EPHA6: variants seen among roughly 807,000 people sequenced by gnomAD.
EPHA6 encodes the protein ephrin type-A receptor 6.
In EPHA6, 50 loss-of-function variants were observed where a neutral mutation model predicts 112.0. That is an observed-to-expected ratio of 0.45 (90% CI 0.36 to 0.56). EPHA6 has a LOEUF of 0.56. EPHA6 is among the 20% of genes least tolerant of loss of function. The pLI, the probability that EPHA6 is intolerant of heterozygous loss-of-function variation, is 0.00. For missense variants in EPHA6, 1,280 were observed against 1,417.4 expected, an observed-to-expected ratio of 0.90 and a Z score of 1.56; for synonymous variants, 529 against 490.7, an observed-to-expected ratio of 1.08 and a Z score of -1.03.
At chr3:97,319,887 G>T (rs185776173) in intron 5 of EPHA6, among the ~76,000 whole-genome samples, 1 of 151,944 alleles carries the variant, frequency 6.6e-6, no homozygotes, top group Non-Finnish European at 1.5e-5. Context: ...TACTAGTTAT[G>T]TCATAACTGT....
At chr3:97,672,183 A>G (rs1172636419) in intron 14 of EPHA6, among the ~76,000 whole-genome samples, 2 of 152,152 alleles carry the variant, frequency 1.3e-5, no homozygotes, top group Non-Finnish European at 2.9e-5. Context: ...TTCAATTCCA[A>G]TTTCAAGATC....
At chr3:97,438,980 A>G (rs1199368999) in intron 6 of EPHA6, among the ~76,000 whole-genome samples, 1 of 152,198 alleles carries the variant, frequency 6.6e-6, no homozygotes, top group East Asian at 1.9e-4. Flanking sequence ...AACAGTAAAT[A>G]TCACTATTAA....
chr3:96,887,979 G>C (rs2037731491), intron 2 of EPHA6, among the ~76,000 whole-genome samples: 1 of 152,124 alleles, frequency 6.6e-6, no homozygotes, highest in African/African-American at 2.4e-5. Flanking sequence ...TCTAGGTGGA[G>C]AGTGATGTGG....
chr3:97,371,800 T>A (rs2108983480), intron 5 of EPHA6, among the ~76,000 whole-genome samples: 1 of 152,252 alleles, frequency 6.6e-6, no homozygotes. Context: ...AATGCATGCC[T>A]AGGGGTAGGC....
At chr3:97,645,169 A>C (rs2094047554) in intron 14 of EPHA6, among the ~76,000 whole-genome samples, 1 of 151,894 alleles carries the variant, frequency 6.6e-6, no homozygotes, top group Admixed American at 6.6e-5. Flanking sequence ...TACTAGGTAT[A>C]TACCCAAAGG....
intron 5 of EPHA6, among the ~76,000 whole-genome samples, chr3:97,263,403 A>G (rs1238060081): frequency 6.6e-6 from 1 of 151,140 alleles, no homozygotes; most frequent in Non-Finnish European, 1.5e-5. Flanking sequence ...ATTTTCATGA[A>G]TTTTTTTACA....
At chr3:97,112,011 G>T (rs1242196295) in intron 3 of EPHA6, among the ~76,000 whole-genome samples, 1 of 151,902 alleles carries the variant, frequency 6.6e-6, no homozygotes, top group African/African-American at 2.4e-5. Flanking sequence ...TAAGACATTT[G>T]CCCATCTCCA....
chr3:97,039,919 C>A (rs77945179), intron 3 of EPHA6, among the ~76,000 whole-genome samples: 1 of 151,888 alleles, frequency 6.6e-6, no homozygotes, highest in African/African-American at 2.4e-5. Flanking sequence ...GTGCAGAAGA[C>A]AATGAAGAAG....
chr3:97,723,713 A>T (rs1403774880), intron 15 of EPHA6, among the ~76,000 whole-genome samples: 4 of 152,182 alleles, frequency 2.6e-5, no homozygotes, highest in African/African-American at 9.7e-5. Context: ...GGTGAAAAAA[A>T]ACCCAAACCT....
intron 7 of EPHA6, among the ~76,000 whole-genome samples, chr3:97,465,870 A>C (rs1482178387): frequency 6.6e-6 from 1 of 152,044 alleles, no homozygotes; most frequent in Non-Finnish European, 1.5e-5. Context: ...TTTTGGTGAT[A>C]ATTAGTTTAT....
Position 97,753,637 on chromosome 3 carries a change from A to G in EPHA6, c.*4936A>G, listed in dbSNP as rs1324556836. 2.0e-5 allele frequency among the ~76,000 whole-genome samples: 3 copies of G among 152,182 alleles called. No homozygotes were observed. The highest frequency in any genetic ancestry group is 1.3e-4 in the Admixed American group (2 of 15,276). On this transcript the variant is annotated 3_prime_UTR_variant, in exon 18 of 18. Transcript: ENST00000389672. ...AAACATTAGCTTTTTTTCAAGAGCA[A>G]TTCTGGAGTAATCTCTTGTTCAAGC... is the stretch of plus-strand genomic sequence containing the variant.
intron 5 of EPHA6, among the ~76,000 whole-genome samples, chr3:97,308,891 A>G (rs2081432493): frequency 6.6e-6 from 1 of 151,806 alleles, no homozygotes; most frequent in African/African-American, 2.4e-5. Context: ...CTTCAGACCC[A>G]TGAGGTCAGA....
At chr3:97,198,660 G>C (rs2077502453) in intron 3 of EPHA6, among the ~76,000 whole-genome samples, 1 of 152,058 alleles carries the variant, frequency 6.6e-6, no homozygotes, top group Non-Finnish European at 1.5e-5. Context: ...AGTATACATA[G>C]TGATAAAAGC....
intron 1 of EPHA6, among the ~76,000 whole-genome samples, chr3:96,831,725 C>A (rs888926181): frequency 6.6e-6 from 1 of 151,996 alleles, no homozygotes; most frequent in African/African-American, 2.4e-5. Flanking sequence ...TTATCTGTAT[C>A]ATTCAAGTTC....
chr3:96,824,196 C>G (rs1477885756), intron 1 of EPHA6, among the ~76,000 whole-genome samples: 3 of 151,424 alleles, frequency 2.0e-5, no homozygotes, highest in Non-Finnish European at 4.4e-5. Flanking sequence ...TTTCAAGAAC[C>G]CTATTAACCA....
In EPHA6 at chr3:97,285,917, A is replaced by G. The variant is rs561794289; in HGVS notation, c.1606+41630A>G. On this transcript the variant is annotated intron_variant, in intron 5 of 17. Transcript: ENST00000389672. ...AGCATGTACTATTTTTTGTCATTTC[A>G]TAAATAATCATTCTAGGGTAAGATG... Among the ~76,000 whole-genome samples the G allele has an allele frequency of 4.6e-5, 7 of 151,898 alleles. No individual in the cohort carries two copies. In the East Asian group the frequency reaches 1.3e-3, roughly 29 times the overall value.
At chr3:97,047,795 G>A (rs1162570008) in intron 3 of EPHA6, among the ~76,000 whole-genome samples, 5 of 152,040 alleles carry the variant, frequency 3.3e-5, no homozygotes, top group Non-Finnish European at 7.3e-5. Flanking sequence ...AGTAATAATT[G>A]CACTAAAAAC....
chr3:97,403,241 T>A (rs2087109058), intron 5 of EPHA6, among the ~76,000 whole-genome samples: 1 of 152,108 alleles, frequency 6.6e-6, no homozygotes, highest in East Asian at 1.9e-4. Context: ...AGTTTAATAA[T>A]TTTTAAATAA....
chr3:97,440,474 A>T (rs1201772708), intron 6 of EPHA6, among the ~76,000 whole-genome samples: 1 of 151,758 alleles, frequency 6.6e-6, no homozygotes, highest in East Asian at 1.9e-4. Flanking sequence ...TTGATCTTAT[A>T]TCAGGACAAA....
Sources: allele counts gnomAD v4.1 joint callset (sites outside exome capture counted in the v4.1 genomes callset), GRCh38; gene constraint gnomAD v4.1.1; transcripts MANE v1.5; gene names NCBI Gene and HGNC (gene_info 2026-07-23, HGNC 2026-07-21).